ZNF644: variants seen among roughly 807,000 people sequenced by gnomAD.
ZNF644 encodes the protein zinc finger protein 644.
Under a neutral mutation model 108.0 loss-of-function variants are expected in ZNF644, and 20 were observed. That is an observed-to-expected ratio of 0.19 (90% CI 0.13 to 0.27). ZNF644 has a LOEUF of 0.27. ZNF644 is among the 10% of genes least tolerant of loss of function. The probability of loss-of-function intolerance (pLI) is 1.00; values close to 1 mark genes in which losing one functional copy is unlikely to be tolerated. For missense variants in ZNF644, 1,338 were observed against 1,548.9 expected, an observed-to-expected ratio of 0.86 and a Z score of 2.29; for synonymous variants, 542 against 539.1, an observed-to-expected ratio of 1.01 and a Z score of -0.08.
At chr1:90,983,271 A>C (rs1656746546) in intron 1 of ZNF644, among the ~76,000 whole-genome samples, 1 of 152,158 alleles carries the variant, frequency 6.6e-6, no homozygotes. Flanking sequence ...CGTATCTAGA[A>C]AAGATGAGAT....
intron 1 of ZNF644, among the ~76,000 whole-genome samples, chr1:90,988,027 C>T (rs1160632495): frequency 6.6e-6 from 1 of 152,096 alleles, no homozygotes; most frequent in Non-Finnish European, 1.5e-5. Context: ...GTCACCATTT[C>T]TATTCAACAC....
chr1:90,933,931 A>C (rs1651037115), intron 4 of ZNF644, among the ~76,000 whole-genome samples: 1 of 152,190 alleles, frequency 6.6e-6, no homozygotes, highest in Non-Finnish European at 1.5e-5. Flanking sequence ...TCCAGTACCT[A>C]CAACTTGTAT....
chr1:90,923,651 A>T (rs1649715571), intron 4 of ZNF644, among the ~76,000 whole-genome samples: 1 of 152,170 alleles, frequency 6.6e-6, no homozygotes, highest in Non-Finnish European at 1.5e-5. Context: ...ATTAATTTTT[A>T]GAGTTTCCAC....
At chr1:91,003,780 A>G (rs1294586288) in intron 1 of ZNF644, among the ~76,000 whole-genome samples, 1 of 152,210 alleles carries the variant, frequency 6.6e-6, no homozygotes, top group Non-Finnish European at 1.5e-5. Context: ...AAACCCAGAC[A>G]TAGGACTGAC....
At chr1:90,948,715 C>CA (rs1234894874) in intron 2 of ZNF644, among the ~76,000 whole-genome samples, 50 of 152,316 alleles carry the variant, frequency 3.3e-4, no homozygotes, top group African/African-American at 1.2e-3. Flanking sequence ...AGTGGACCTG[C>CA]ACAGTTCAAG....
At chr1:91,017,301 A>C (rs965543667) in intron 1 of ZNF644, among the ~76,000 whole-genome samples, 1 of 152,232 alleles carries the variant, frequency 6.6e-6, no homozygotes, top group Non-Finnish European at 1.5e-5. Context: ...CTTTATTTTT[A>C]CTTACAAAAT....
At chr1:91,002,284 C>T (rs1658926663) in intron 1 of ZNF644, among the ~76,000 whole-genome samples, 1 of 152,180 alleles carries the variant, frequency 6.6e-6, no homozygotes, top group Admixed American at 6.5e-5. Flanking sequence ...AACTATACTA[C>T]AAGGCCACAG....
intron 1 of ZNF644, among the ~76,000 whole-genome samples, chr1:90,985,622 G>A (rs1657013933): frequency 6.6e-6 from 1 of 152,130 alleles, no homozygotes; most frequent in Non-Finnish European, 1.5e-5. Context: ...CCATGTTGTT[G>A]CAAATAACAG....
intron 1 of ZNF644, among the ~76,000 whole-genome samples, chr1:91,015,998 C>T (rs760152399): frequency 1.3e-5 from 2 of 152,158 alleles, no homozygotes; most frequent in African/African-American, 2.4e-5. Flanking sequence ...TTGCCTAGTG[C>T]TCACACAGCT....
chr1:91,013,380 C>A (rs1660135669), intron 1 of ZNF644, among the ~76,000 whole-genome samples: 1 of 151,840 alleles, frequency 6.6e-6, no homozygotes, highest in Non-Finnish European at 1.5e-5. Flanking sequence ...CCAGTTAATT[C>A]AGTATTTATC....
chr1:90,928,210 T>A (rs146953186), intron 4 of ZNF644, among the ~76,000 whole-genome samples: 23 of 150,306 alleles, frequency 1.5e-4, no homozygotes, highest in African/African-American at 5.2e-4. Context: ...TGGAGTGCAG[T>A]GGCGCAATCT....
In ZNF644 at chr1:90,918,071, C is replaced by T; in HGVS notation, c.3772G>A (p.Val1258Ile). Residue 1258 changes from valine to isoleucine, a missense_variant, in exon 5 of 6, where the codon GTT becomes ATT. Val to Ile is a conservative substitution (Grantham distance 29). Coordinates refer to ENST00000337393, the MANE Select transcript of ZNF644 (RefSeq NM_201269.3). ...MLTLPHGADE[V>I]YILRCRFCGL... ...ATATACCTGCATCGGAGAATGTAAA[C>T]CTCGTCAGCACCATGAGGTAATGTT... The T allele has an allele frequency of 6.2e-7, 1 of 1,614,030 alleles. No homozygotes were observed. Among genetic ancestry groups the T allele is most frequent in the Non-Finnish European group, 8.5e-7 (1 of 1,179,968 alleles).
chr1:90,950,324 C>CAAAAGAAAAGAAAACAAAAG (rs1653002374), intron 2 of ZNF644, among the ~76,000 whole-genome samples: 3 of 63,766 alleles, frequency 4.7e-5, no homozygotes, highest in African/African-American at 2.1e-4. Flanking sequence ...GAAAAGAAAA[C>CAAAAGAAAAGAAAACAAAAG]AAAAGAAAAG....
intron 4 of ZNF644, 27 bp from the exon 5 acceptor site, chr1:90,918,181 C>G (rs1260673354): frequency 6.4e-7 from 1 of 1,568,534 alleles, no homozygotes; most frequent in Non-Finnish European, 8.8e-7. Context: ...AAAGACTTAA[C>G]ATTCCTTATA....
chr1:90,975,824 AATT>A (rs1655954777), intron 2 of ZNF644, among the ~76,000 whole-genome samples: 1 of 152,166 alleles, frequency 6.6e-6, no homozygotes, highest in South Asian at 2.1e-4. Context: ...CTGTTTCTGC[AATT>A]ATCTACCTGA....
chr1:90,922,799 C>T (rs1261467080), intron 4 of ZNF644, among the ~76,000 whole-genome samples: 2 of 152,070 alleles, frequency 1.3e-5, no homozygotes, highest in South Asian at 2.1e-4. Context: ...CATGTGTTCT[C>T]GTTGTTTAGC....
intron 2 of ZNF644, among the ~76,000 whole-genome samples, chr1:90,973,663 C>CATAT (rs147248497): frequency 2.0e-5 from 3 of 151,384 alleles, no homozygotes; most frequent in African/African-American, 7.3e-5. Context: ...TTTAAGAAAA[C>CATAT]ATATATATAT....
intron 1 of ZNF644, among the ~76,000 whole-genome samples, chr1:90,985,236 T>G (rs191294142): frequency 2.6e-5 from 4 of 152,354 alleles, no homozygotes; most frequent in African/African-American, 7.2e-5. Context: ...ATGTGATGTT[T>G]TGACATATGC....
At position 90,939,218 on chromosome 1, in the gene ZNF644, T is replaced by G. The variant is rs1333291757; in HGVS notation, c.2136A>C (p.Lys712Asn). The stretch of plus-strand genomic sequence containing the variant: ...ACTTAGGTTTTTGGTCAACGCTGCT[T>G]TTAATTGTAACATTCTTATGAGGAG... ...NSSPHKNVTIKSSVDQKPKYF... is the reference protein window; with the variant it reads ...NSSPHKNVTINSSVDQKPKYF... Residue 712 changes from lysine to asparagine, a missense_variant, in exon 3 of 6, where the codon AAA (lysine) becomes AAC (asparagine). Coordinates refer to ENST00000337393, the MANE Select transcript of ZNF644 (RefSeq NM_201269.3). 6.2e-7 allele frequency: 1 copy of G among 1,613,914 alleles called. No individual in the cohort carries two copies. Among genetic ancestry groups the G allele is most frequent in the Non-Finnish European group, 8.5e-7 (1 of 1,179,940 alleles).
Sources: gnomAD v4.1 joint callset for allele counts (sites outside exome capture counted in the v4.1 genomes callset) on GRCh38, gnomAD v4.1.1 for gene constraint, MANE v1.5 for transcripts, NCBI Gene and HGNC (gene_info 2026-07-23, HGNC 2026-07-21) for gene names.